PKP4: variants seen among roughly 807,000 people sequenced by gnomAD.
PKP4 encodes the protein plakophilin-4.
PKP4 carries 90 observed loss-of-function variants against 145.1 expected under a neutral mutation model. That is an observed-to-expected ratio of 0.62 (90% CI 0.52 to 0.74). The LOEUF (loss-of-function observed/expected upper bound fraction) is 0.74. Among genes scored for constraint, PKP4 ranks in the 30% least tolerant of loss-of-function variants. The pLI is 0.00. For synonymous variants in PKP4, 563 were observed against 577.2 expected, an observed-to-expected ratio of 0.98 and a Z score of 0.35; for missense variants, 1,340 against 1,482.7, an observed-to-expected ratio of 0.90 and a Z score of 1.58.
chr2:158,659,563 G>C (rs554982452), intron 12 of PKP4: 1 of 152,232 alleles, frequency 6.6e-6, no homozygotes, highest in Non-Finnish European at 1.5e-5. Flanking sequence ...CAAATAGGGT[G>C]ATGTGAGGGT....
chr2:158,589,666 C>T (rs184744438), intron 3 of PKP4, among the ~76,000 whole-genome samples: 77 of 152,232 alleles, frequency 5.1e-4, no homozygotes, highest in African/African-American at 1.8e-3. Context: ...ATGTACTTAG[C>T]GCAGTTAACT....
At chr2:158,678,535 A>G in intron 20 of PKP4, 46 bp from the exon 21 acceptor site, 1 of 1,350,020 alleles carries the variant, frequency 7.4e-7, no homozygotes, top group Non-Finnish European at 1.1e-6. Context: ...CTAATGGACC[A>G]GAGTAATAAG....
chr2:158,475,254 TAG>T (rs751951094), intron 1 of PKP4, among the ~76,000 whole-genome samples: 9 of 152,184 alleles, frequency 5.9e-5, no homozygotes, highest in Non-Finnish European at 1.0e-4. Context: ...ATCTTTTTAT[TAG>T]AGTTTTATTA....
chr2:158,603,359 A>T (rs955425009), intron 4 of PKP4, among the ~76,000 whole-genome samples: 5 of 152,202 alleles, frequency 3.3e-5, no homozygotes, highest in Admixed American at 3.3e-4. Flanking sequence ...GAAAGTTTCC[A>T]TTTCCATCAT....
At chr2:158,463,213 C>T (rs557632601) in intron 1 of PKP4, among the ~76,000 whole-genome samples, 3 of 152,092 alleles carry the variant, frequency 2.0e-5, no homozygotes, top group Admixed American at 6.5e-5. Context: ...CATTAACCAC[C>T]GCTAGCCAAC....
intron 3 of PKP4, chr2:158,588,902 A>G (rs983846202): frequency 3.9e-5 from 6 of 152,322 alleles, no homozygotes; most frequent in African/African-American, 7.2e-5. Flanking sequence ...ACAAAGAGAC[A>G]AGCTTAGAAA....
chr2:158,625,194 A>G lies in PKP4; in HGVS notation c.920A>G (p.Gln307Arg). The G allele has an allele frequency of 1.9e-6, 3 of 1,613,930 alleles. No homozygotes were observed. The South Asian group carries it at 3.3e-5, about 18-fold the overall frequency. The change falls in exon 7 of 22, where the codon CAA becomes CGA. Residue 307 changes from glutamine (Q) to arginine (R), a missense_variant. Coordinates refer to ENST00000389759, the MANE Select transcript of PKP4 (RefSeq NM_003628.6). ...SNPNGPTPQY[Q>R]TTARVGSPLT... ...CCCAACGGACCAACCCCTCAATACC[A>G]AACCACCGCCAGAGTGGGGTCCCCA...
At chr2:158,518,845 G>T (rs1193615173) in intron 1 of PKP4, among the ~76,000 whole-genome samples, 4 of 152,078 alleles carry the variant, frequency 2.6e-5, no homozygotes, top group African/African-American at 9.7e-5. Context: ...TAATTGAGAA[G>T]GTGTCTGATG....
intron 1 of PKP4, among the ~76,000 whole-genome samples, chr2:158,488,185 T>TA (rs566435935): frequency 1.0e-3 from 154 of 152,060 alleles, no homozygotes; most frequent in Non-Finnish European, 1.8e-3. Context: ...AACCAAATTA[T>TA]AAAAAAAATT....
intron 21 of PKP4, 98 bp from the exon 22 acceptor site, chr2:158,680,331 C>T (rs574637275): frequency 1.1e-6 from 1 of 898,650 alleles, no homozygotes; most frequent in South Asian, 1.7e-5. Context: ...TTGAATATTG[C>T]TTTAAAAATA....
chr2:158,473,742 A>G (rs940386428), intron 1 of PKP4, among the ~76,000 whole-genome samples: 1 of 152,190 alleles, frequency 6.6e-6, no homozygotes, highest in African/African-American at 2.4e-5. Flanking sequence ...TATGTACAAC[A>G]TACCCCAGCG....
intron 1 of PKP4, among the ~76,000 whole-genome samples, chr2:158,461,337 A>G (rs548121778): frequency 1.6e-4 from 24 of 152,276 alleles, no homozygotes; most frequent in African/African-American, 5.5e-4. Context: ...TTCATAATTC[A>G]GATTTGTTTG....
At chr2:158,520,881 C>T (rs144637758) in intron 1 of PKP4, among the ~76,000 whole-genome samples, 7 of 152,316 alleles carry the variant, frequency 4.6e-5, no homozygotes, top group Admixed American at 6.5e-5. Context: ...TTCAGTATTA[C>T]GGTTGACAGT....
At chr2:158,516,844 A>T (rs1338018209) in intron 1 of PKP4, among the ~76,000 whole-genome samples, 1 of 151,700 alleles carries the variant, frequency 6.6e-6, no homozygotes, top group African/African-American at 2.4e-5. Context: ...TGTATTTTTA[A>T]TAGAGACGGG....
Position 158,605,113 on chromosome 2 carries a change from T to C in PKP4, c.280+2009T>C, listed in dbSNP as rs115065095. On this transcript the variant is annotated intron_variant, in intron 4 of 21. Coordinates refer to ENST00000389759, the MANE Select transcript of PKP4 (RefSeq NM_003628.6). ...ATGTCTGCTCTGTTCAACAAAGTATTCCAAGGGCCTTGTGTGTGGATGGTA... is the reference window on the plus strand; with the variant it reads ...ATGTCTGCTCTGTTCAACAAAGTATCCCAAGGGCCTTGTGTGTGGATGGTA... Among the ~76,000 whole-genome samples, 1,289 of 152,264 alleles carry C rather than the reference T, an allele frequency of 8.5e-3. 22 individuals are homozygous for C. Among genetic ancestry groups the C allele is most frequent in the African/African-American group, 0.03 (1,230 of 41,532 alleles).
chr2:158,491,534 A>G lies in PKP4; in HGVS notation c.-6+34316A>G, dbSNP rs1694938022. Among the ~76,000 whole-genome samples the G allele has an allele frequency of 2.6e-5, 4 of 151,798 alleles. No homozygotes were observed. The South Asian group carries it at 8.3e-4, about 32-fold the overall frequency. On this transcript the variant is annotated intron_variant, in intron 1 of 21. Transcript: ENST00000389759. The stretch of plus-strand genomic sequence containing the variant: ...AATTTTTTGTCCATACCTTTTGCCC[A>G]GTTTTCTACTGGGGGTTCTAATCTT...
chr2:158,482,077 C>G (rs1400253400), intron 1 of PKP4, among the ~76,000 whole-genome samples: 1 of 152,206 alleles, frequency 6.6e-6, no homozygotes, highest in Non-Finnish European at 1.5e-5. Flanking sequence ...AATATATCCA[C>G]TAGTCACATG....
In PKP4 at chr2:158,471,619, A is replaced by C. The variant is rs148502313; in HGVS notation, c.-6+14401A>C. Among the ~76,000 whole-genome samples, 256 of 152,364 alleles carry C rather than the reference A, an allele frequency of 1.7e-3. 1 individual carries two copies. The highest frequency in any genetic ancestry group is 5.8e-3 in the African/African-American group (241 of 41,592). On this transcript the variant is annotated intron_variant, in intron 1 of 21. Coordinates refer to ENST00000389759, the MANE Select transcript of PKP4 (RefSeq NM_003628.6). Reference sequence around the variant, plus strand: ...ACTGGAAGTAAGATTCATCTCTTCTAGTTGATTTGACATAAGCAGTATCAT... The same window carrying C: ...ACTGGAAGTAAGATTCATCTCTTCTCGTTGATTTGACATAAGCAGTATCAT...
At chr2:158,501,637 C>T (rs1241837123) in intron 1 of PKP4, among the ~76,000 whole-genome samples, 1 of 135,606 alleles carries the variant, frequency 7.4e-6, no homozygotes, top group African/African-American at 2.5e-5. Context: ...CTTTGCCTCC[C>T]CTGCCATGCC....
Sources: gnomAD v4.1 joint callset for allele counts (sites outside exome capture counted in the v4.1 genomes callset) on GRCh38, gnomAD v4.1.1 for gene constraint, MANE v1.5 for transcripts, NCBI Gene and HGNC (gene_info 2026-07-23, HGNC 2026-07-21) for gene names.